The following IL1RAPL2 variants were observed in gnomAD, a reference collection of about 807,000 sequenced individuals.
The protein encoded by IL1RAPL2 is interleukin 1 receptor accessory protein like 2.
A neutral mutation model predicts 44.1 loss-of-function variants in IL1RAPL2; 3 were observed. The observed-to-expected ratio is 0.07, with a 90% CI of 0.03 to 0.18. IL1RAPL2 has a LOEUF of 0.18. IL1RAPL2 is among the 10% of genes least tolerant of loss of function. IL1RAPL2 has a pLI of 1.00. For synonymous variants in IL1RAPL2, 181 were observed against 178.8 expected, an observed-to-expected ratio of 1.01 and a Z score of -0.10; for missense variants, 391 against 496.4, an observed-to-expected ratio of 0.79 and a Z score of 2.02.
At chrX:104,701,894 C>G (rs1301225679) in intron 2 of IL1RAPL2, among the ~76,000 whole-genome samples, 2 of 111,828 alleles carry the variant, frequency 1.8e-5, no homozygotes, top group East Asian at 5.6e-4. Context: ...TAATATACAA[C>G]TAATGTCAGA....
chrX:104,714,479 C>T (rs1386477087), intron 2 of IL1RAPL2, among the ~76,000 whole-genome samples: 6 of 110,753 alleles, frequency 5.4e-5, no homozygotes, highest in Non-Finnish European at 9.5e-5. Context: ...CCTCTTCCTT[C>T]GGCTCTCATT....
At chrX:104,784,438 T>A (rs929675696) in intron 2 of IL1RAPL2, among the ~76,000 whole-genome samples, 3 of 111,781 alleles carry the variant, frequency 2.7e-5, no homozygotes, top group African/African-American at 9.8e-5. Context: ...ACTGTGAATA[T>A]AAAGTAACAA....
intron 5 of IL1RAPL2, among the ~76,000 whole-genome samples, chrX:105,316,107 C>G (rs1052132486): frequency 1.8e-5 from 2 of 110,434 alleles, no homozygotes; most frequent in South Asian, 7.9e-4. Context: ...AACCCCATCT[C>G]TACTAAAAAT....
At chrX:105,581,068 G>T (rs1674540942) in intron 6 of IL1RAPL2, among the ~76,000 whole-genome samples, 1 of 110,832 alleles carries the variant, frequency 9.0e-6, no homozygotes, top group Non-Finnish European at 1.9e-5. Context: ...TAGAAGCACG[G>T]GCTTAACCCA....
At chrX:104,585,372 A>ATATAATATATATAGTATATAT (rs1928534079) in intron 1 of IL1RAPL2, among the ~76,000 whole-genome samples, 1 of 24,743 alleles carries the variant, frequency 4.0e-5, no homozygotes, top group Non-Finnish European at 5.7e-5. Flanking sequence ...TATATATATT[A>ATATAATATATATAGTATATAT]TATATAATAT....
At chrX:104,706,088 A>G (rs915929228) in intron 2 of IL1RAPL2, among the ~76,000 whole-genome samples, 20 of 111,406 alleles carry the variant, frequency 1.8e-4, no homozygotes, top group African/African-American at 6.2e-4. Context: ...GGGAATAGCT[A>G]TGATTAAGAG....
At chrX:105,433,614 A>G (rs2035862465) in intron 5 of IL1RAPL2, among the ~76,000 whole-genome samples, 1 of 111,448 alleles carries the variant, frequency 9.0e-6, no homozygotes, top group African/African-American at 3.3e-5. Flanking sequence ...CCACAGTGTC[A>G]TTAGGCTTTG....
chrX:104,898,050 G>A (rs930347729), intron 2 of IL1RAPL2, among the ~76,000 whole-genome samples: 89 of 111,714 alleles, frequency 8.0e-4, no homozygotes, highest in African/African-American at 2.7e-3. Flanking sequence ...TCTTGGTCTT[G>A]GAATGTGAAC....
At chrX:104,958,923 C>T (rs182359125) in intron 2 of IL1RAPL2, among the ~76,000 whole-genome samples, 2 of 110,326 alleles carry the variant, frequency 1.8e-5, no homozygotes, top group African/African-American at 6.6e-5. Flanking sequence ...CTCATCATCA[C>T]TACGATACAT....
intron 2 of IL1RAPL2, among the ~76,000 whole-genome samples, chrX:105,126,993 GA>G (rs1386190126): frequency 9.0e-6 from 1 of 111,034 alleles, no homozygotes; most frequent in Non-Finnish European, 1.9e-5. Context: ...TTGAGAGTTG[GA>G]AATCAATTAC....
chrX:105,469,413 AC>A (rs1430912772), intron 5 of IL1RAPL2, among the ~76,000 whole-genome samples: 1 of 110,814 alleles, frequency 9.0e-6, no homozygotes, highest in Non-Finnish European at 1.9e-5. Flanking sequence ...TGTTCCAGAG[AC>A]CAGAAATAGG....
At chrX:104,828,918 G>C (rs1921536316) in intron 2 of IL1RAPL2, among the ~76,000 whole-genome samples, 1 of 112,556 alleles carries the variant, frequency 8.9e-6, no homozygotes, top group Non-Finnish European at 1.9e-5. Flanking sequence ...TGGCGGCTTT[G>C]TTTACCCTGT....
At chrX:104,873,098 C>T (rs1437752033) in intron 2 of IL1RAPL2, among the ~76,000 whole-genome samples, 2 of 111,569 alleles carry the variant, frequency 1.8e-5, no homozygotes, top group Non-Finnish European at 3.8e-5. Context: ...GTTTGGGCTG[C>T]TTTAACAAAG....
At chrX:104,890,630 C>T (rs1923401470) in intron 2 of IL1RAPL2, among the ~76,000 whole-genome samples, 1 of 112,035 alleles carries the variant, frequency 8.9e-6, no homozygotes, top group Non-Finnish European at 1.9e-5. Flanking sequence ...GCTTTGTCTG[C>T]TTTTTGATGG....
intron 2 of IL1RAPL2, among the ~76,000 whole-genome samples, chrX:104,847,649 T>C (rs898664118): frequency 5.4e-5 from 6 of 112,009 alleles, no homozygotes; most frequent in African/African-American, 1.9e-4. Context: ...TTTATTCTTT[T>C]GGCTTAGGAT....
intron 2 of IL1RAPL2, among the ~76,000 whole-genome samples, chrX:105,098,004 C>G (rs2032626891): frequency 9.0e-6 from 1 of 111,624 alleles, no homozygotes; most frequent in African/African-American, 3.3e-5. Flanking sequence ...AAGAAAAGGG[C>G]TCTGTTCTAT....
chrX:105,197,308 T>C (rs1556142130), intron 3 of IL1RAPL2, among the ~76,000 whole-genome samples: 4 of 111,334 alleles, frequency 3.6e-5, no homozygotes, highest in African/African-American at 1.3e-4. Flanking sequence ...TTTCCTTGCT[T>C]ATCTCCTCTC....
chrX:105,682,208 G>C lies in IL1RAPL2; in HGVS notation c.773-35159G>C, dbSNP rs148494876. ...AGATTACATCTAAATTATAAAAATA[G>C]ATGAATATATCCTTTACAGAGAAAA... On this transcript the variant is annotated intron_variant, in intron 6 of 10. Coordinates refer to ENST00000372582, the MANE Select transcript of IL1RAPL2 (RefSeq NM_017416.2). 4.6e-3 allele frequency among the ~76,000 whole-genome samples: 519 copies of C among 111,958 alleles called. 11 individuals carry two copies. Among genetic ancestry groups the C allele is most frequent in the Admixed American group, 0.039 (406 of 10,544 alleles).
At chrX:105,210,970 G>C (rs1018226920) in intron 3 of IL1RAPL2, among the ~76,000 whole-genome samples, 20 of 111,274 alleles carry the variant, frequency 1.8e-4, no homozygotes, top group African/African-American at 6.2e-4. Flanking sequence ...CAAAGGGATA[G>C]AAGGAGACCA....
Sources: gnomAD v4.1 joint callset for allele counts (sites outside exome capture counted in the v4.1 genomes callset) on GRCh38, gnomAD v4.1.1 for gene constraint, MANE v1.5 for transcripts, NCBI Gene and HGNC (gene_info 2026-07-23, HGNC 2026-07-21) for gene names.